The following RPGRIP1L variants were observed in gnomAD, a reference collection of about 807,000 sequenced individuals.
RPGRIP1L encodes the protein RPGRIP1 like.
In RPGRIP1L, 131 loss-of-function variants were observed where a neutral mutation model predicts 160.4. The ratio of observed to expected loss-of-function variants is 0.82; its 90% CI spans 0.71 to 0.94. The LOEUF is 0.94. Ranked by LOEUF, RPGRIP1L falls within the 40% of genes least tolerant of loss-of-function variation. The probability of loss-of-function intolerance (pLI) is 0.00; values close to 1 mark genes in which losing one functional copy is unlikely to be tolerated. For synonymous variants in RPGRIP1L, 510 were observed against 515.8 expected (o/e 0.99, Z 0.15); for missense variants, 1,522 against 1,535.8 (o/e 0.99, Z 0.15).
In RPGRIP1L at chr16:53,652,516, G is replaced by C. The variant is rs754811161; in HGVS notation, c.2152+19C>G. The stretch of plus-strand genomic sequence containing the variant: ...CAAATTAGTAATTCAAACACCCAAG[G>C]CTTATACATTGTACTTACCAATCAA... On this transcript the variant is annotated intron_variant, in intron 15 of 26. Transcript: ENST00000647211. The C allele has an allele frequency of 3.8e-6, 6 of 1,584,412 alleles. No individual in the cohort carries two copies. In the African/African-American group the frequency reaches 8.1e-5, roughly 21 times the overall value.
intron 17 of RPGRIP1L, among the ~76,000 whole-genome samples, chr16:53,641,881 T>C (rs796398083): frequency 2.6e-5 from 4 of 152,326 alleles, no homozygotes; most frequent in African/African-American, 7.2e-5. Flanking sequence ...GTAAGTCTTT[T>C]GGCTTGTCTC....
chr16:53,646,720 G>A (rs967427443), intron 16 of RPGRIP1L, among the ~76,000 whole-genome samples: 1 of 152,170 alleles, frequency 6.6e-6, no homozygotes, highest in African/African-American at 2.4e-5. Context: ...AAATGCTAGT[G>A]TTTCTGTGCT....
intron 2 of RPGRIP1L, among the ~76,000 whole-genome samples, chr16:53,698,445 A>C (rs1449157631): frequency 1.4e-5 from 2 of 140,616 alleles, no homozygotes; most frequent in Non-Finnish European, 3.1e-5. Flanking sequence ...CCTACTGGGA[A>C]GTGAGGGGCC....
chr16:53,678,448 T>C (rs1344767099), intron 6 of RPGRIP1L, among the ~76,000 whole-genome samples: 1 of 152,148 alleles, frequency 6.6e-6, no homozygotes, highest in Non-Finnish European at 1.5e-5. Context: ...AGTAAAAACT[T>C]TCAGCGGAGC....
At chr16:53,618,784 C>T (rs1262943406) in intron 24 of RPGRIP1L, among the ~76,000 whole-genome samples, 4 of 152,158 alleles carry the variant, frequency 2.6e-5, no homozygotes, top group East Asian at 1.9e-4. Flanking sequence ...AGAGCTCAAG[C>T]GATCCACCCG....
chr16:53,665,031 C>A (rs1446249081), intron 9 of RPGRIP1L, 22 bp from the exon 10 acceptor site: 5 of 1,612,884 alleles, frequency 3.1e-6, no homozygotes, highest in Non-Finnish European at 4.2e-6. Context: ...ACGTGACATG[C>A]AAGGAAAGCT....
At position 53,653,106 on chromosome 16, in the gene RPGRIP1L, G is replaced by A; in HGVS notation, c.1700-119C>T. On this transcript the variant is annotated intron_variant, in intron 14 of 26. Transcript: ENST00000647211. ...GAACAGTCTCTATTTTAAATTCTAT[G>A]ACTACACTGTTTTTCTGTAAATAAT... The A allele has an allele frequency of 3.3e-6, 3 of 910,100 alleles. 1 individual carries two copies. The South Asian group carries it at 4.6e-5, about 14-fold the overall frequency. The allele number at this position is 910,100 out of a possible 1,614,324, so 56.4% of individuals were successfully genotyped here.
At chr16:53,625,453 G>T (rs532808798) in intron 22 of RPGRIP1L, among the ~76,000 whole-genome samples, 1 of 142,720 alleles carries the variant, frequency 7.0e-6, no homozygotes, top group African/African-American at 2.7e-5. Context: ...GCCTCCACCC[G>T]GCAGCCGCCC....
chr16:53,696,242 G>C lies in RPGRIP1L; in HGVS notation c.139C>G (p.Arg47Gly). ...AAAAATCTGTCTTCCAGTTCCTCAC[G>C]ACTGACACGTGACACTGCCTGGCGA... ...KSRQAVSRVS[R>G]EELEDRFLRL... Residue 47 changes from arginine to glycine, a missense_variant, in exon 3 of 27, where the codon CGT (arginine) becomes GGT (glycine). Physicochemically the swap from Arg to Gly is moderately radical, Grantham distance 125. Transcript: ENST00000647211. The C allele has an allele frequency of 6.2e-7, 1 of 1,613,916 alleles. No individual in the cohort carries two copies. Among genetic ancestry groups the C allele is most frequent in the Non-Finnish European group, 8.5e-7 (1 of 1,179,938 alleles).
chr16:53,609,234 G>A (rs1293067304), intron 25 of RPGRIP1L, among the ~76,000 whole-genome samples: 3 of 152,080 alleles, frequency 2.0e-5, no homozygotes, highest in Admixed American at 6.6e-5. Flanking sequence ...GACTACTGGT[G>A]CATGCCACCA....
At chr16:53,702,908 G>A (rs1164468951) in intron 1 of RPGRIP1L, among the ~76,000 whole-genome samples, 1 of 152,134 alleles carries the variant, frequency 6.6e-6, no homozygotes, top group Non-Finnish European at 1.5e-5. Context: ...CTTGAGACGG[G>A]TATTAGTCTT....
At position 53,666,524 on chromosome 16, in the gene RPGRIP1L, T is replaced by C. The variant is rs74018183; in HGVS notation, c.1104-1515A>G. ...TTTCTATGTATGGCCAAATTGTATATATCAAACACATCCACATATATGCAT... is the reference window on the plus strand; with the variant it reads ...TTTCTATGTATGGCCAAATTGTATACATCAAACACATCCACATATATGCAT... On this transcript the variant is annotated intron_variant, in intron 9 of 26. Coordinates refer to ENST00000647211, the MANE Select transcript of RPGRIP1L (RefSeq NM_015272.5). Among the ~76,000 whole-genome samples, 125 of 152,066 alleles carry C rather than the reference T, an allele frequency of 8.2e-4. 1 individual carries two copies. Among genetic ancestry groups the C allele is most frequent in the African/African-American group, 2.9e-3 (122 of 41,464 alleles).
At chr16:53,624,462 T>C (rs1964942464) in intron 22 of RPGRIP1L, among the ~76,000 whole-genome samples, 1 of 151,940 alleles carries the variant, frequency 6.6e-6, no homozygotes, top group South Asian at 2.1e-4. Context: ...AAGAATCACT[T>C]GAACCCGGCA....
At chr16:53,629,465 G>A (rs1965377390) in intron 22 of RPGRIP1L, among the ~76,000 whole-genome samples, 1 of 151,958 alleles carries the variant, frequency 6.6e-6, no homozygotes, top group African/African-American at 2.4e-5. Flanking sequence ...CTGAACTCTG[G>A]GGATCACACT....
chr16:53,639,094 C>T (rs1308817035), intron 19 of RPGRIP1L, among the ~76,000 whole-genome samples: 1 of 151,666 alleles, frequency 6.6e-6, no homozygotes, highest in Non-Finnish European at 1.5e-5. Context: ...TCAATGTCAT[C>T]TTTTTATTTC....
Position 53,680,065 on chromosome 16 carries a change from T to C in RPGRIP1L, c.777-4943A>G, listed in dbSNP as rs1364853899. On this transcript the variant is annotated intron_variant, in intron 6 of 26. Coordinates refer to ENST00000647211, the MANE Select transcript of RPGRIP1L (RefSeq NM_015272.5). ...CTAAGTTTTAACTTTCCCTCCACTA[T>C]CATGCATACACTCATATACTAGTAA... 5.9e-5 allele frequency among the ~76,000 whole-genome samples: 9 copies of C among 152,214 alleles called. No homozygotes were observed. In the South Asian group the frequency reaches 1.7e-3, roughly 28 times the overall value.
intron 22 of RPGRIP1L, among the ~76,000 whole-genome samples, chr16:53,633,943 G>A (rs1175849171): frequency 2.0e-5 from 3 of 152,144 alleles, no homozygotes; most frequent in Admixed American, 2.0e-4. Flanking sequence ...AGAAAATCCT[G>A]TATTTCACTG....
rs2151109888 is a variant in RPGRIP1L at position 53,650,220 on chromosome 16, G to A, written c.2153-1105C>T. On this transcript the variant is annotated intron_variant, in intron 15 of 26. Transcript: ENST00000647211. ...GAGTAGGATTGGTGCCATTATAACAGGCCGAGATTGACCCCTTCTTGCTCG... is the reference window on the plus strand; with the variant it reads ...GAGTAGGATTGGTGCCATTATAACAAGCCGAGATTGACCCCTTCTTGCTCG... Among the ~76,000 whole-genome samples the A allele has an allele frequency of 3.9e-5, 6 of 152,186 alleles. 2 individuals carry two copies. In the Middle Eastern group the frequency reaches 0.02, roughly 518 times the overall value.
chr16:53,646,053 G>C (rs1370824389), intron 16 of RPGRIP1L, 50 bp from the exon 17 acceptor site: 3 of 1,547,202 alleles, frequency 1.9e-6, no homozygotes, highest in Non-Finnish European at 2.7e-6. Context: ...GTTAAAAGAT[G>C]AACAGCAGCT....
Sources: gnomAD v4.1 joint callset for allele counts (sites outside exome capture counted in the v4.1 genomes callset) on GRCh38, gnomAD v4.1.1 for gene constraint, MANE v1.5 for transcripts, NCBI Gene and HGNC (gene_info 2026-07-23, HGNC 2026-07-21) for gene names.